Variants in ZNHIT6 observed in about 807,000 individuals in gnomAD.
ZNHIT6 encodes the protein zinc finger HIT-type containing 6.
In ZNHIT6, 45 loss-of-function variants were observed where a neutral mutation model predicts 57.2. The ratio of observed to expected loss-of-function variants is 0.79; its 90% CI spans 0.62 to 1.01. The LOEUF is 1.01. ZNHIT6 is among the 50% of genes least tolerant of loss of function. The pLI is 0.00. For synonymous variants in ZNHIT6, 188 were observed against 190.0 expected (o/e 0.99, Z 0.09); for missense variants, 528 against 567.3 (o/e 0.93, Z 0.70).
intron 5 of ZNHIT6, among the ~76,000 whole-genome samples, chr1:85,694,912 T>C (rs888922827): frequency 2.0e-5 from 3 of 152,188 alleles, no homozygotes; most frequent in Non-Finnish European, 4.4e-5. Flanking sequence ...GTAATGTTTT[T>C]GATCTTGGTA....
chr1:85,680,934 A>C (rs1032863646), intron 5 of ZNHIT6, 30 bp from the exon 6 acceptor site: 2 of 1,544,276 alleles, frequency 1.3e-6, no homozygotes, highest in African/African-American at 2.7e-5. Context: ...TGTGAGAATC[A>C]AGGTAGATAA....
chr1:85,667,961 A>AAAAAAAAAAAAAAAAATGT, intron 8 of ZNHIT6, among the ~76,000 whole-genome samples: 2 of 18,200 alleles, frequency 1.1e-4, no homozygotes, highest in Non-Finnish European at 2.0e-4. Context: ...AAAAAAAAAA[A>AAAAAAAAAAAAAAAAATGT]ATATATATAT....
intron 5 of ZNHIT6, among the ~76,000 whole-genome samples, chr1:85,694,275 G>T (rs1381164948): frequency 6.6e-6 from 1 of 151,132 alleles, no homozygotes; most frequent in Non-Finnish European, 1.5e-5. Context: ...AGTTAACGAT[G>T]CTTAAGTATT....
In ZNHIT6 at chr1:85,691,001, G is replaced by C. The variant is rs142849112; in HGVS notation, c.1020-10097C>G. On this transcript the variant is annotated intron_variant, in intron 5 of 9. Coordinates refer to ENST00000370574, the MANE Select transcript of ZNHIT6 (RefSeq NM_017953.4). Reference sequence around the variant, plus strand: ...AGATCGTGCCACTGCACTCCAGCCTGGGTGACAGACCGAGACTCCATCTCA... The same window carrying C: ...AGATCGTGCCACTGCACTCCAGCCTCGGTGACAGACCGAGACTCCATCTCA... Among the ~76,000 whole-genome samples the C allele has an allele frequency of 9.4e-3, 1,427 of 152,250 alleles. 58 individuals are homozygous for C. Among genetic ancestry groups the C allele is most frequent in the Admixed American group, 0.063 (959 of 15,290 alleles).
chr1:85,688,342 T>C (rs1662123450), intron 5 of ZNHIT6, among the ~76,000 whole-genome samples: 1 of 152,218 alleles, frequency 6.6e-6, no homozygotes, highest in African/African-American at 2.4e-5. Flanking sequence ...CAGGCAGTGC[T>C]TCCTCTTAAC....
chr1:85,679,040 A>T (rs974601446), intron 6 of ZNHIT6, among the ~76,000 whole-genome samples: 5 of 152,158 alleles, frequency 3.3e-5, no homozygotes, highest in Non-Finnish European at 7.4e-5. Context: ...TTATAAAAAT[A>T]TGAAGCCTCT....
Position 85,657,950 on chromosome 1 carries a change from A to G in ZNHIT6, c.1269T>C (p.Tyr423=), listed in dbSNP as rs1418676999. The G allele has an allele frequency of 1.3e-6, 2 of 1,548,076 alleles. No individual in the cohort carries two copies. The highest frequency in any genetic ancestry group is 8.9e-7 in the Non-Finnish European group (1 of 1,128,130). ...TCCTCAAATTGTCTAGGAGACTTTT[A>G]TAAGGATCTAGTTCATAATATCTTA... ...NLVRYYELDP[Y]KSLLDNLRNK... Residue 423 remains tyrosine, a synonymous_variant, in exon 9 of 10, where the codon TAT becomes TAC. Transcript: ENST00000370574.
intron 5 of ZNHIT6, among the ~76,000 whole-genome samples, chr1:85,697,999 T>C (rs1217575252): frequency 1.3e-5 from 2 of 152,194 alleles, no homozygotes; most frequent in Non-Finnish European, 2.9e-5. Flanking sequence ...AAAGCCACTA[T>C]TTTAAAGTAG....
At chr1:85,677,134 C>G in intron 8 of ZNHIT6, 102 bp downstream of exon 8, 1 of 789,126 alleles carries the variant, frequency 1.3e-6, no homozygotes, top group Non-Finnish European at 1.9e-6. Context: ...AAGTCATGTT[C>G]ATAGCTAGAT....
At chr1:85,700,941 G>C (rs1454802004) in intron 5 of ZNHIT6, among the ~76,000 whole-genome samples, 1 of 152,052 alleles carries the variant, frequency 6.6e-6, no homozygotes, top group East Asian at 1.9e-4. Flanking sequence ...TGAGTAGCTG[G>C]GATCACAGGT....
chr1:85,662,433 C>A (rs142415411), intron 8 of ZNHIT6, among the ~76,000 whole-genome samples: 2 of 152,172 alleles, frequency 1.3e-5, no homozygotes, highest in African/African-American at 4.8e-5. Flanking sequence ...TGATACTTAA[C>A]TATATTTTTT....
chr1:85,667,961 A>AAAAAAAAAATGTATATATATATAT, intron 8 of ZNHIT6, among the ~76,000 whole-genome samples: 1 of 18,200 alleles, frequency 5.5e-5, no homozygotes, highest in African/African-American at 2.1e-4. Context: ...AAAAAAAAAA[A>AAAAAAAAAATGTATATATATATAT]ATATATATAT....
At position 85,652,883 on chromosome 1, in the gene ZNHIT6, A is replaced by C. The variant is rs969349187; in HGVS notation, c.*1175T>G. On this transcript the variant is annotated 3_prime_UTR_variant, in exon 10 of 10. Coordinates refer to ENST00000370574, the MANE Select transcript of ZNHIT6 (RefSeq NM_017953.4). Reference sequence around the variant, plus strand: ...TGGTATAAACTCCAATAAAATTAAGAATTTTTTTTCAGTACATGAGATCAA... The same window carrying C: ...TGGTATAAACTCCAATAAAATTAAGCATTTTTTTTCAGTACATGAGATCAA... 2.6e-5 allele frequency: 4 copies of C among 152,176 alleles called. No homozygotes were observed. Among genetic ancestry groups the C allele is most frequent in the Non-Finnish European group, 5.9e-5 (4 of 68,034 alleles). The allele number at this position is 152,176 out of a possible 1,614,324, so 9.4% of individuals were successfully genotyped here. A position where few individuals can be genotyped will look rare whatever the true frequency, so the allele number is the denominator to read the frequency against.
At chr1:85,700,178 T>C (rs1308695634) in intron 5 of ZNHIT6, among the ~76,000 whole-genome samples, 1 of 152,178 alleles carries the variant, frequency 6.6e-6, no homozygotes, top group Admixed American at 6.5e-5. Context: ...ATGATACAGA[T>C]GTATTATTTT....
chr1:85,682,161 G>A (rs1010384332), intron 5 of ZNHIT6, among the ~76,000 whole-genome samples: 1 of 147,462 alleles, frequency 6.8e-6, no homozygotes, highest in Non-Finnish European at 1.5e-5. Context: ...ACAGGTGCTC[G>A]CCACCACGCC....
chr1:85,689,863 T>C (rs1662169059), intron 5 of ZNHIT6, among the ~76,000 whole-genome samples: 1 of 152,086 alleles, frequency 6.6e-6, no homozygotes, highest in African/African-American at 2.4e-5. Flanking sequence ...ACAAAAAAAC[T>C]GTCCCATTCA....
rs1201349306 is a variant in ZNHIT6, at chr1:85,650,506, A to G, written c.*3552T>C. 1 of 152,202 alleles carries G rather than the reference A, an allele frequency of 6.6e-6. No individual in the cohort carries two copies. Among genetic ancestry groups the G allele is most frequent in the Non-Finnish European group, 1.5e-5 (1 of 68,038 alleles). 9.4% of individuals were successfully genotyped at this position (152,202 alleles called of 1,614,324 possible). ...TTTTGAGTTTTTGTCACTTGCATAT[A>G]AACAACACATTTTAATGCAACAGAG... On this transcript the variant is annotated 3_prime_UTR_variant, in exon 10 of 10. Coordinates refer to ENST00000370574, the MANE Select transcript of ZNHIT6 (RefSeq NM_017953.4).
chr1:85,707,689 A>G lies in ZNHIT6; in HGVS notation c.596T>C (p.Val199Ala), dbSNP rs1166853249. The change falls in exon 1 of 10, where the codon GTG (valine) becomes GCG (alanine). Residue 199 changes from valine to alanine, a missense_variant. Physicochemically the swap from Val to Ala is moderately conservative, Grantham distance 64 (BLOSUM62 0). Coordinates refer to ENST00000370574, the MANE Select transcript of ZNHIT6 (RefSeq NM_017953.4). ...LKKEIVDDTK[V>A]KEEPPINHPV... is the part of the protein sequence containing the mutation. The stretch of plus-strand genomic sequence containing the variant: ...GTGATTTATCGGAGGCTCTTCTTTC[A>G]CCTTTGTATCATCCACGATTTCTTT... 3 of 1,588,878 alleles carry G rather than the reference A, an allele frequency of 1.9e-6. No individual in the cohort carries two copies. The African/African-American group carries it at 4.1e-5, about 22-fold the overall frequency.
chr1:85,689,779 G>A (rs1662166161), intron 5 of ZNHIT6, among the ~76,000 whole-genome samples: 1 of 152,150 alleles, frequency 6.6e-6, no homozygotes. Context: ...CCAAGACTAG[G>A]GAGCACTTGA....
Sources: allele counts gnomAD v4.1 joint callset (sites outside exome capture counted in the v4.1 genomes callset), GRCh38; gene constraint gnomAD v4.1.1; transcripts MANE v1.5; gene names NCBI Gene and HGNC (gene_info 2026-07-23, HGNC 2026-07-21).